Variants in COL4A6 observed in about 807,000 individuals in gnomAD.
COL4A6 encodes collagen alpha-6(IV) chain.
COL4A6 carries 59 observed loss-of-function variants against 126.7 expected under a neutral mutation model. That is an observed-to-expected ratio of 0.47 (90% CI 0.38 to 0.58). The LOEUF (loss-of-function observed/expected upper bound fraction) is 0.58. Ranked by LOEUF, COL4A6 falls within the 20% of genes least tolerant of loss-of-function variation. The pLI, the probability that COL4A6 is intolerant of heterozygous loss-of-function variation, is 0.00. For missense variants in COL4A6, 1,285 were observed against 1,337.3 expected, an observed-to-expected ratio of 0.96 and a Z score of 0.61; for synonymous variants, 547 against 496.6, an observed-to-expected ratio of 1.10 and a Z score of -1.35.
chrX:108,430,075 C>T (rs1182287726), intron 2 of COL4A6, among the ~76,000 whole-genome samples: 1 of 111,418 alleles, frequency 9.0e-6, no homozygotes, highest in Non-Finnish European at 1.9e-5. Context: ...CCAAAGAGGC[C>T]CAAAGCTCCT....
intron 2 of COL4A6, among the ~76,000 whole-genome samples, chrX:108,340,838 T>TG (rs11347372): frequency 6.8e-3 from 426 of 63,052 alleles, no homozygotes; most frequent in East Asian, 0.025. Flanking sequence ...ACTAGTGGGG[T>TG]GGGGGGGGGG....
chrX:108,302,895 A>G (rs184312681), intron 3 of COL4A6, among the ~76,000 whole-genome samples: 2 of 111,427 alleles, frequency 1.8e-5, no homozygotes, highest in African/African-American at 6.5e-5. Context: ...AAATTATTTA[A>G]TCCTAAATCT....
At chrX:108,254,764 C>T (rs922530561) in intron 3 of COL4A6, among the ~76,000 whole-genome samples, 2 of 110,138 alleles carry the variant, frequency 1.8e-5, no homozygotes, top group Admixed American at 9.7e-5. Context: ...TCTAAATATA[C>T]CTACTTGTAT....
rs34740537 is a variant in COL4A6, at chrX:108,190,439, C to A, written c.1379G>T (p.Arg460Leu). The A allele has an allele frequency of 9.4e-4, 1,131 of 1,205,728 alleles. 1 individual carries two copies. Among genetic ancestry groups the A allele is most frequent in the Non-Finnish European group, 1.0e-3 (928 of 892,375 alleles). Residue 460 changes from arginine (R) to leucine (L), a missense_variant, in exon 20 of 45, where the codon CGA (arginine) becomes CTA (leucine). Arg to Leu is a moderately radical substitution (Grantham distance 102). Transcript: ENST00000334504. ...GTTTCCTTTTGGACCTTGTTCTCCT[C>A]GGAGACCAGGGAACCCTGACTCTTT... is the stretch of plus-strand genomic sequence containing the variant. ...HNKESGFPGL[R>L]GEQGPKGNLG...
chrX:108,377,810 T>C (rs2048192954), intron 2 of COL4A6, among the ~76,000 whole-genome samples: 1 of 107,447 alleles, frequency 9.3e-6, no homozygotes, highest in African/African-American at 3.4e-5. Flanking sequence ...TGCCTGGTGA[T>C]GCACACCTGT....
At chrX:108,238,175 C>T (rs1262500625) in intron 3 of COL4A6, among the ~76,000 whole-genome samples, 2 of 105,059 alleles carry the variant, frequency 1.9e-5, no homozygotes, top group South Asian at 4.3e-4. Flanking sequence ...GGCATGATCT[C>T]GGCTCACTGC....
chrX:108,157,287 G>C (rs2033773273), intron 44 of COL4A6, 27 bp from the exon 45 acceptor site: 1 of 1,193,434 alleles, frequency 8.4e-7, no homozygotes, highest in Admixed American at 2.2e-5. Flanking sequence ...ATTAGTGCAT[G>C]AGCTGTGCCT....
chrX:108,280,962 T>G (rs1282409497), intron 3 of COL4A6, among the ~76,000 whole-genome samples: 1 of 110,813 alleles, frequency 9.0e-6, no homozygotes. Context: ...GGCTAAAAAC[T>G]CTCAATAAAT....
At chrX:108,373,230 C>T (rs1179197144) in intron 2 of COL4A6, among the ~76,000 whole-genome samples, 2 of 111,024 alleles carry the variant, frequency 1.8e-5, no homozygotes, top group Admixed American at 9.6e-5. Flanking sequence ...TAGCAAGACC[C>T]GATTCTTCAC....
chrX:108,247,616 T>G (rs1490130412), intron 3 of COL4A6, among the ~76,000 whole-genome samples: 1 of 110,708 alleles, frequency 9.0e-6, no homozygotes, highest in Admixed American at 9.6e-5. Flanking sequence ...CATCCACTAT[T>G]GATCATTGAG....
intron 2 of COL4A6, among the ~76,000 whole-genome samples, chrX:108,392,222 A>G (rs1274398478): frequency 8.9e-6 from 1 of 112,058 alleles, no homozygotes; most frequent in Non-Finnish European, 1.9e-5. Context: ...ATTCTTGTAT[A>G]TGACTCCAAA....
At chrX:108,429,864 G>A (rs1208787617) in intron 2 of COL4A6, among the ~76,000 whole-genome samples, 1 of 111,433 alleles carries the variant, frequency 9.0e-6, no homozygotes, top group Non-Finnish European at 1.9e-5. Flanking sequence ...AATTGTTATT[G>A]GAGTTAACAT....
At chrX:108,246,085 G>A (rs1223130095) in intron 3 of COL4A6, among the ~76,000 whole-genome samples, 2 of 111,812 alleles carry the variant, frequency 1.8e-5, no homozygotes, top group Non-Finnish European at 3.8e-5. Flanking sequence ...GCCTGGGACT[G>A]CTAATTGCTC....
At chrX:108,324,470 G>C (rs1033156763) in intron 2 of COL4A6, among the ~76,000 whole-genome samples, 1 of 111,768 alleles carries the variant, frequency 8.9e-6, no homozygotes, top group African/African-American at 3.3e-5. Context: ...AGCTATGAAA[G>C]AACAACACTT....
chrX:108,258,892 T>A (rs1435908815), intron 3 of COL4A6, among the ~76,000 whole-genome samples: 1 of 111,774 alleles, frequency 8.9e-6, no homozygotes, highest in Non-Finnish European at 1.9e-5. Context: ...ATGTTCCCAC[T>A]GTTGCCTCTG....
Position 108,244,384 on chromosome X carries a change from T to C in COL4A6, c.145-23010A>G, listed in dbSNP as rs188863431. On this transcript the variant is annotated intron_variant, in intron 3 of 44. Coordinates refer to ENST00000334504, the MANE Select transcript of COL4A6 (RefSeq NM_033641.4). ...TCTACTGTGTGCTATTGGCCACTAA[T>C]CACAAAAACATTCTACTGTGAGCTC... 3.3e-4 allele frequency among the ~76,000 whole-genome samples: 37 copies of C among 111,776 alleles called. 1 individual carries two copies. Among genetic ancestry groups the C allele is most frequent in the Admixed American group, 3.2e-3 (34 of 10,513 alleles).
intron 2 of COL4A6, among the ~76,000 whole-genome samples, chrX:108,348,805 G>A (rs2039774340): frequency 8.9e-6 from 1 of 111,782 alleles, no homozygotes; most frequent in South Asian, 3.8e-4. Flanking sequence ...AGTTGGCGAG[G>A]ATACCAATTC....
intron 2 of COL4A6, among the ~76,000 whole-genome samples, chrX:108,359,928 T>C (rs1199799448): frequency 8.9e-6 from 1 of 112,276 alleles, no homozygotes; most frequent in African/African-American, 3.2e-5. Flanking sequence ...TGATCCAGAA[T>C]GGCTATATTC....
At chrX:108,391,102 C>A (rs1188228050) in intron 2 of COL4A6, among the ~76,000 whole-genome samples, 2 of 111,228 alleles carry the variant, frequency 1.8e-5, no homozygotes, top group African/African-American at 6.6e-5. Flanking sequence ...AAATGCCATC[C>A]AGCGCTTTCC....
Sources: gnomAD v4.1 joint callset for allele counts (sites outside exome capture counted in the v4.1 genomes callset) on GRCh38, gnomAD v4.1.1 for gene constraint, MANE v1.5 for transcripts, NCBI Gene and HGNC (gene_info 2026-07-23, HGNC 2026-07-21) for gene names.